HDAC4: variants seen among roughly 807,000 people sequenced by gnomAD.
HDAC4 encodes histone deacetylase A.
In HDAC4, 16 loss-of-function variants were observed where a neutral mutation model predicts 135.1. The ratio of observed to expected loss-of-function variants is 0.12; its 90% CI spans 0.08 to 0.18. The LOEUF (loss-of-function observed/expected upper bound fraction) is 0.18. Ranked by LOEUF, HDAC4 falls within the 10% of genes least tolerant of loss-of-function variation. The pLI, the probability that HDAC4 is intolerant of heterozygous loss-of-function variation, is 1.00. For synonymous variants in HDAC4, 685 were observed against 653.4 expected (o/e 1.05, Z -0.74); for missense variants, 1,143 against 1,511.8 (o/e 0.76, Z 4.05).
In HDAC4 at chr2:239,139,860, T is replaced by C. The variant is rs1028868498; in HGVS notation, c.866-64A>G. On this transcript the variant is annotated intron_variant, in intron 8 of 26. Coordinates refer to ENST00000543185, the MANE Select transcript of HDAC4 (RefSeq NM_001378414.1). The surrounding 1 kb of genome is among the most constrained non-coding windows in gnomAD (Gnocchi z 5.3). ...GCGGAGGGAGGGCCGTGCTGACCTG[T>C]GGCCCGAATGCCCGGTGCCTTCCAC... The C allele has an allele frequency of 2.9e-6, 4 of 1,388,390 alleles. No individual in the cohort carries two copies. Among genetic ancestry groups the C allele is most frequent in the African/African-American group, 2.8e-5 (2 of 70,590 alleles). The allele number at this position is 1,388,390 out of a possible 1,614,324, so 86.0% of individuals were successfully genotyped here. A position where few individuals can be genotyped will look rare whatever the true frequency, so the allele number is the denominator to read the frequency against.
In HDAC4 at chr2:239,182,578, G is replaced by A. The variant is rs554831146; in HGVS notation, c.340-6015C>T. Among the ~76,000 whole-genome samples, 19 of 152,268 alleles carry A rather than the reference G, an allele frequency of 1.2e-4. No individual in the cohort carries two copies. The South Asian group carries it at 3.1e-3, about 25-fold the overall frequency. The stretch of plus-strand genomic sequence containing the variant: ...AGTGACTGATTCCCTACCTGCCCCC[G>A]GCAACGCTGTGTGATCTCGGCTTCG... On this transcript the variant is annotated intron_variant, in intron 4 of 26. Transcript: ENST00000543185.
At chr2:239,304,744 T>C (rs10177607) in intron 2 of HDAC4, among the ~76,000 whole-genome samples, 24,251 of 152,158 alleles carry the variant, frequency 0.16, 2,913 homozygotes, top group East Asian at 0.42. Flanking sequence ...GGTAACTGCT[T>C]GCTTCTGAAT....
chr2:239,212,586 C>T (rs763783521), intron 3 of HDAC4, among the ~76,000 whole-genome samples: 32 of 152,298 alleles, frequency 2.1e-4, no homozygotes, highest in Non-Finnish European at 4.1e-4. Context: ...CCCTTCTGCC[C>T]CCCATACAGG....
At chr2:239,172,301 T>A (rs374825020) in intron 5 of HDAC4, among the ~76,000 whole-genome samples, 83,694 of 140,070 alleles carry the variant, frequency 0.6, 25,629 homozygotes, top group South Asian at 0.77. Flanking sequence ...AAAATATATA[T>A]ATATATATAT....
rs74759164 is a variant in HDAC4, at chr2:239,050,384, T to C, written c.*2713A>G. On this transcript the variant is annotated 3_prime_UTR_variant, in exon 27 of 27. Transcript: ENST00000543185. The stretch of plus-strand genomic sequence containing the variant: ...AGGTGGCAGGATCCCCAGAGGGCTA[T>C]GCAGAGAATGAGGCCAAGGAGGCCA... 2.6e-5 allele frequency: 4 copies of C among 152,142 alleles called. No homozygotes were observed. Among genetic ancestry groups the C allele is most frequent in the Non-Finnish European group, 5.9e-5 (4 of 68,028 alleles). The allele number at this position is 152,142 out of a possible 1,614,324, so 9.4% of individuals were successfully genotyped here.
chr2:239,071,733 T>A (rs2034217280), intron 22 of HDAC4, among the ~76,000 whole-genome samples: 1 of 152,162 alleles, frequency 6.6e-6, no homozygotes, highest in Admixed American at 6.5e-5. Context: ...GTCCACCTGT[T>A]GAACATTTCC....
At chr2:239,350,490 AAAATATATAT>A (rs1693056774) in intron 2 of HDAC4, among the ~76,000 whole-genome samples, 1 of 152,120 alleles carries the variant, frequency 6.6e-6, no homozygotes. Context: ...ATATATAAAT[AAAATATATAT>A]AAATGAGAGA....
At chr2:239,367,973 G>A (rs1039804614) in intron 1 of HDAC4, among the ~76,000 whole-genome samples, 7 of 152,116 alleles carry the variant, frequency 4.6e-5, no homozygotes, top group Admixed American at 2.0e-4. Context: ...GTAAGACTCC[G>A]TCTCAAAATA....
intron 11 of HDAC4, among the ~76,000 whole-genome samples, chr2:239,127,422 G>A (rs1238653530): frequency 5.9e-5 from 9 of 152,136 alleles, no homozygotes. Flanking sequence ...ACCTAGTGAA[G>A]TACATTTTTT....
At chr2:239,053,372 G>T (rs1036986832) in intron 26 of HDAC4, 88 bp downstream of exon 26, 2 of 1,525,278 alleles carry the variant, frequency 1.3e-6, no homozygotes, top group Admixed American at 1.8e-5. Context: ...CAGGGCATGT[G>T]CCATAAAGGT....
intron 1 of HDAC4, among the ~76,000 whole-genome samples, chr2:239,385,412 ACT>A (rs1412862548): frequency 6.6e-6 from 1 of 152,038 alleles, no homozygotes; most frequent in Admixed American, 6.5e-5. Context: ...CTGGCCCACG[ACT>A]CTGCCCAGCT....
Position 239,126,579 on chromosome 2 carries a change from G to A in HDAC4, c.1410C>T (p.Thr470=). The A allele has an allele frequency of 6.2e-7, 1 of 1,613,910 alleles. No homozygotes were observed. Among genetic ancestry groups the A allele is most frequent in the South Asian group, 1.1e-5 (1 of 91,080 alleles). ...KLRQHRPLGR[T]QSAPLPQNAQ... is the part of the protein sequence containing the mutation. The stretch of plus-strand genomic sequence containing the variant: ...CGTTCTGGGGCAGCGGGGCCGACTG[G>A]GTCCGCCCCAGTGGGCGGTGCTGCC... The change falls in exon 12 of 27, where the codon ACC becomes ACT. Residue 470 remains threonine, a synonymous_variant. Transcript: ENST00000543185.
At chr2:239,129,199 G>A (rs1476818759) in intron 11 of HDAC4, among the ~76,000 whole-genome samples, 1 of 152,130 alleles carries the variant, frequency 6.6e-6, no homozygotes, top group Non-Finnish European at 1.5e-5. Context: ...ACCCAGGGCC[G>A]CCATACACAG....
chr2:239,194,079 C>A (rs552060943), intron 3 of HDAC4, among the ~76,000 whole-genome samples: 1 of 152,148 alleles, frequency 6.6e-6, no homozygotes, highest in Non-Finnish European at 1.5e-5. Context: ...AAAATGATCA[C>A]AAGGTTCCTC....
At chr2:239,090,667 A>C (rs2036429939) in intron 17 of HDAC4, among the ~76,000 whole-genome samples, 1 of 150,032 alleles carries the variant, frequency 6.7e-6, no homozygotes, top group African/African-American at 2.4e-5. Flanking sequence ...AAAAAACTGG[A>C]AACTTTTTGA....
intron 2 of HDAC4, among the ~76,000 whole-genome samples, chr2:239,338,221 G>A (rs557602856): frequency 5.9e-5 from 9 of 152,244 alleles, no homozygotes; most frequent in South Asian, 4.1e-4. Flanking sequence ...TAGACCTCCC[G>A]TGGCACCTCT....
chr2:239,115,068 C>A lies in HDAC4; in HGVS notation c.1776G>T (p.Glu592Asp). The part of the protein sequence containing the change: ...EPGQRQPSEQ[E>D]LLFRQQALLL... ...CTGCGGTCACCTGTCTGAAGAGCAG[C>A]TCCTGCTCACTGGGCTGGCGCTGGC... is the stretch of plus-strand genomic sequence containing the variant. Residue 592 changes from glutamate to aspartate, a missense_variant, in exon 13 of 27, where the codon GAG becomes GAT. Physicochemically the swap from Glu to Asp is conservative, Grantham distance 45. Transcript: ENST00000543185. This position sits in a 1 kb window ranked among gnomAD's most constrained non-coding sequence, Gnocchi z 6.3. 1 of 1,611,032 alleles carries A rather than the reference C, an allele frequency of 6.2e-7. No homozygotes were observed. Among genetic ancestry groups the A allele is most frequent in the Non-Finnish European group, 8.5e-7 (1 of 1,179,902 alleles).
chr2:239,163,950 G>T, intron 5 of HDAC4, 27 bp from the exon 6 acceptor site: 1 of 1,613,680 alleles, frequency 6.2e-7, no homozygotes, highest in Non-Finnish European at 8.5e-7. Context: ...CATAGCAGGG[G>T]GTGAAGTGTG....
At position 239,115,820 on chromosome 2, in the gene HDAC4, C is replaced by A. The variant is rs1559457607; in HGVS notation, c.1534-510G>T. Among the ~76,000 whole-genome samples the A allele has an allele frequency of 6.6e-6, 1 of 151,930 alleles. No individual in the cohort carries two copies. The highest frequency in any genetic ancestry group is 2.4e-5 in the African/African-American group (1 of 41,358). Reference sequence around the variant, plus strand: ...CTCCTGCAGGATCCCACCGATGTGCCATGACCTCCCTCCTGCCGGATCCTG... The same window carrying A: ...CTCCTGCAGGATCCCACCGATGTGCAATGACCTCCCTCCTGCCGGATCCTG... On this transcript the variant is annotated intron_variant, in intron 12 of 26. Transcript: ENST00000543185. The surrounding 1 kb of genome is among the most constrained non-coding windows in gnomAD (Gnocchi z 6.3).
Sources: allele counts gnomAD v4.1 joint callset (sites outside exome capture counted in the v4.1 genomes callset), GRCh38; gene constraint gnomAD v4.1.1; non-coding constraint Gnocchi (gnomAD v3.1); transcripts MANE v1.5; gene names NCBI Gene and HGNC (gene_info 2026-07-23, HGNC 2026-07-21).